The following CLDN7 variants were observed in gnomAD, a reference collection of about 807,000 sequenced individuals.
CLDN7 encodes the protein claudin-7.
Under a neutral mutation model 20.3 loss-of-function variants are expected in CLDN7, and 15 were observed. The observed-to-expected ratio is 0.74, with a 90% CI of 0.49 to 1.14. The LOEUF (loss-of-function observed/expected upper bound fraction) is 1.14, where lower values mean the gene tolerates loss of function less well. Among genes scored for constraint, CLDN7 ranks in the 50% most tolerant of loss-of-function variants. The probability of loss-of-function intolerance (pLI) is 0.00; values close to 1 mark genes in which losing one functional copy is unlikely to be tolerated. For missense variants in CLDN7, 261 were observed against 274.2 expected, an observed-to-expected ratio of 0.95 and a Z score of 0.34; for synonymous variants, 117 against 106.1, an observed-to-expected ratio of 1.10 and a Z score of -0.63.
In CLDN7 at chr17:7,261,943, G is replaced by A. The variant is rs1205196104; in HGVS notation, c.101C>T (p.Ser34Phe). 1 of 1,614,144 alleles carries A rather than the reference G, an allele frequency of 6.2e-7. No individual in the cohort carries two copies. Among genetic ancestry groups the A allele is most frequent in the Non-Finnish European group, 8.5e-7 (1 of 1,180,036 alleles). Residue 34 changes from serine to phenylalanine, a missense_variant, in exon 1 of 4, where the codon TCC becomes TTC. Ser to Phe is a radical substitution (Grantham distance 155). Coordinates refer to ENST00000360325, the MANE Select transcript of CLDN7 (RefSeq NM_001307.6). Reference protein sequence around the residue: ...CTAIPQWQMSSYAGDNIITAQ... With the variant: ...CTAIPQWQMSFYAGDNIITAQ... ...CGTGATGATGTTGTCACCCGCATAGGAGCTCATCTGCCACTGCGGGATGGC... is the reference window on the plus strand; with the variant it reads ...CGTGATGATGTTGTCACCCGCATAGAAGCTCATCTGCCACTGCGGGATGGC...
intron 1 of CLDN7, 74 bp from the exon 2 acceptor site, chr17:7,261,059 C>T (rs963744067): frequency 4.1e-5 from 62 of 1,508,768 alleles, no homozygotes; most frequent in Non-Finnish European, 5.1e-5. Context: ...GCCGGCCGCG[C>T]CCACTAACCG....
chr17:7,260,401 CT>C lies in CLDN7; in HGVS notation c.608del (p.Lys203SerfsTer25). ...AGYRVPRSYP[K>X]SNSSKEYV ...ACACATACTCCTTGGAAGAGTTGGACTTAGGGTAAGAGCGGGGTACACGGTA... is the reference window on the plus strand; with the variant it reads ...ACACATACTCCTTGGAAGAGTTGGACTAGGGTAAGAGCGGGGTACACGGTA... On this transcript the variant is annotated frameshift_variant, in exon 4 of 4. Coordinates refer to ENST00000360325, the MANE Select transcript of CLDN7 (RefSeq NM_001307.6). LOFTEE classifies it high-confidence loss of function. 6.2e-7 allele frequency: 1 copy of C among 1,612,096 alleles called. No individual in the cohort carries two copies. Among genetic ancestry groups the C allele is most frequent in the Non-Finnish European group, 8.5e-7 (1 of 1,178,964 alleles).
At chr17:7,261,402 G>A (rs1241222445) in intron 1 of CLDN7, among the ~76,000 whole-genome samples, 2 of 152,166 alleles carry the variant, frequency 1.3e-5, no homozygotes. Flanking sequence ...TAAGATTAGA[G>A]GCAGCAGGCG....
Position 7,260,641 on chromosome 17 carries a change from C to T in CLDN7, c.473+1G>A. On this transcript the variant is annotated splice_donor_variant, in intron 3 of 3. Transcript: ENST00000360325. LOFTEE classifies it high-confidence loss of function. ...TTAGGAGGCAGGGTTCCCAGACTTA[C>T]TTAATGTTGGTAGGGATCAAAGGGT... 6.2e-7 allele frequency: 1 copy of T among 1,614,168 alleles called. No homozygotes were observed. The highest frequency in any genetic ancestry group is 8.5e-7 in the Non-Finnish European group (1 of 1,180,024).
At chr17:7,261,068 C>G (rs1173122495) in intron 1 of CLDN7, 83 bp from the exon 2 acceptor site, 2 of 1,492,540 alleles carry the variant, frequency 1.3e-6, no homozygotes, top group Admixed American at 4.3e-5. Flanking sequence ...GCCCACTAAC[C>G]GCTGGACCTC....
At chr17:7,261,674 G>A in intron 1 of CLDN7, 147 bp downstream of exon 1, 2 of 260,860 alleles carry the variant, frequency 7.7e-6, no homozygotes, top group Non-Finnish European at 1.5e-5. Flanking sequence ...CTCCCGCCCA[G>A]CCCCGCCGCC....
chr17:7,261,606 A>C (rs2072222602), intron 1 of CLDN7, among the ~76,000 whole-genome samples: 1 of 152,022 alleles, frequency 6.6e-6, no homozygotes, highest in Non-Finnish European at 1.5e-5. Flanking sequence ...TGGGGGAGGA[A>C]GAGGAACGTG....
At position 7,259,984 on chromosome 17, in the gene CLDN7, G is replaced by A. The variant is rs2072177800; in HGVS notation, c.*390C>T. On this transcript the variant is annotated 3_prime_UTR_variant, in exon 4 of 4. Transcript: ENST00000360325. The stretch of plus-strand genomic sequence containing the variant: ...AAATAAGAGGGGGGTGGGAATGAAT[G>A]TCGAGATACGAGCACCTGCATCTTT... 5.7e-6 allele frequency: 2 copies of A among 351,714 alleles called. No individual in the cohort carries two copies. Among genetic ancestry groups the A allele is most frequent in the Admixed American group, 8.7e-5 (2 of 22,910 alleles). 21.8% of individuals were successfully genotyped at this position (351,714 alleles called of 1,614,324 possible). A position where few individuals can be genotyped will look rare whatever the true frequency, so the allele number is the denominator to read the frequency against.
Position 7,260,316 on chromosome 17 carries a change from C to G in CLDN7, c.*58G>C. 6.5e-7 allele frequency: 1 copy of G among 1,528,570 alleles called. No homozygotes were observed. Among genetic ancestry groups the G allele is most frequent in the South Asian group, 1.3e-5 (1 of 77,724 alleles). The allele number at this position is 1,528,570 out of a possible 1,614,324, so 94.7% of individuals were successfully genotyped here. ...CCACAGGCTGAGCTCAGCCCCAGGC[C>G]CTTTCAGGCATCTAGACACTCCCAT... On this transcript the variant is annotated 3_prime_UTR_variant, in exon 4 of 4. Transcript: ENST00000360325.
chr17:7,262,358 G>A lies in CLDN7; in HGVS notation c.-315C>T. 7 of 1,244,080 alleles carry A rather than the reference G, an allele frequency of 5.6e-6. No individual in the cohort carries two copies. The highest frequency in any genetic ancestry group is 7.1e-6 in the Non-Finnish European group (7 of 983,774). The allele number at this position is 1,244,080 out of a possible 1,614,324, so 77.1% of individuals were successfully genotyped here. On this transcript the variant is annotated 5_prime_UTR_variant, in exon 1 of 4. Transcript: ENST00000360325. The surrounding 1 kb of genome is among the most constrained non-coding windows in gnomAD (Gnocchi z 6.6). ...TCTCGGCGACCCTAGGCAAACAAAAGGTGGAGGGGCCGTCTGGGCGCGTTT... is the reference window on the plus strand; with the variant it reads ...TCTCGGCGACCCTAGGCAAACAAAAAGTGGAGGGGCCGTCTGGGCGCGTTT...
chr17:7,261,009 C>A, intron 1 of CLDN7, 24 bp from the exon 2 acceptor site: 1 of 1,593,536 alleles, frequency 6.3e-7, no homozygotes, highest in Non-Finnish European at 8.5e-7. Context: ...GAAAGGGCGC[C>A]GTCATTGCTG....
chr17:7,260,887 C>T lies in CLDN7; in HGVS notation c.322G>A (p.Gly108Arg), dbSNP rs142682069. 3.2e-5 allele frequency: 52 copies of T among 1,614,152 alleles called. No homozygotes were observed. The highest frequency in any genetic ancestry group is 4.3e-5 in the Non-Finnish European group (51 of 1,180,056). The change falls in exon 2 of 4, where the codon GGG becomes AGG. Residue 108 changes from glycine (G) to arginine (R), a missense_variant. By Grantham distance (125) the Gly-to-Arg change is moderately radical (BLOSUM62 -2). This residue lies in a region of CLDN7 where 215 missense variants were observed against 199.6 expected (regional missense o/e 1.08). Transcript: ENST00000360325. ...ATMGMKCTRC[G>R]GDDKVKKARI... is the part of the protein sequence containing the mutation. ...GCCTTCTTCACTTTGTCGTCTCCCC[C>T]ACAGCGCGTGCACTTCATGCCCATC...
chr17:7,260,941 G>A lies in CLDN7; in HGVS notation c.268C>T (p.Leu90=). Residue 90 remains leucine (L), a synonymous_variant, in exon 2 of 4, where the codon CTG becomes TTG. Transcript: ENST00000360325. ...GCCACAAACATGGCCAGGAAGCCCA[G>A]CACCAGGGAGACCACCATTAGGGCT... ...TRALMVVSLV[L]GFLAMFVATM... 6.2e-7 allele frequency: 1 copy of A among 1,613,760 alleles called. No individual in the cohort carries two copies. The highest frequency in any genetic ancestry group is 8.5e-7 in the Non-Finnish European group (1 of 1,180,006).
In CLDN7 at chr17:7,260,839, T is replaced by G; in HGVS notation, c.370A>C (p.Ile124Leu). ...KKARIAMGGG[I>L]IFIVAGLAAL... ...GGCTCACCTGCCACGATGAAAATTA[T>G]GCCTCCACCCATGGCTATACGGGCC... Residue 124 changes from isoleucine to leucine, a missense_variant, in exon 2 of 4, where the codon ATA (isoleucine) becomes CTA (leucine). By Grantham distance (5) the Ile-to-Leu change is conservative. Coordinates refer to ENST00000360325, the MANE Select transcript of CLDN7 (RefSeq NM_001307.6). 1 of 1,614,236 alleles carries G rather than the reference T, an allele frequency of 6.2e-7. No individual in the cohort carries two copies.
At position 7,260,873 on chromosome 17, in the gene CLDN7, T is replaced by G. The variant is rs746209260; in HGVS notation, c.336A>C (p.Lys112Asn). The G allele has an allele frequency of 3.7e-6, 6 of 1,614,220 alleles. No homozygotes were observed. The South Asian group carries it at 6.6e-5, about 18-fold the overall frequency. The part of the protein sequence containing the change: ...MKCTRCGGDD[K>N]VKKARIAMGG... Reference sequence around the variant, plus strand: ...CCATGGCTATACGGGCCTTCTTCACTTTGTCGTCTCCCCCACAGCGCGTGC... The same window carrying G: ...CCATGGCTATACGGGCCTTCTTCACGTTGTCGTCTCCCCCACAGCGCGTGC... The change falls in exon 2 of 4, where the codon AAA becomes AAC. Residue 112 changes from lysine to asparagine, a missense_variant. Physicochemically the swap from Lys to Asn is moderately conservative, Grantham distance 94. This residue lies in a region of CLDN7 where 215 missense variants were observed against 199.6 expected (regional missense o/e 1.08). Coordinates refer to ENST00000360325, the MANE Select transcript of CLDN7 (RefSeq NM_001307.6).
Position 7,260,459 on chromosome 17 carries a change from C to G in CLDN7, c.551G>C (p.Cys184Ser). ...LVILGGALLS[C>S]SCPGNESKAG... ...CTTGCTCTCATTCCCAGGACAGGAA[C>G]AGGAGAGCAGTGCACCTCCCAGGAT... The change falls in exon 4 of 4, where the codon TGT (cysteine) becomes TCT (serine). Residue 184 changes from cysteine to serine, a missense_variant. Physicochemically the swap from Cys to Ser is moderately radical, Grantham distance 112. Transcript: ENST00000360325. 1 of 1,613,924 alleles carries G rather than the reference C, an allele frequency of 6.2e-7. No homozygotes were observed.
At position 7,260,502 on chromosome 17, in the gene CLDN7, C is replaced by T. The variant is rs780943523; in HGVS notation, c.508G>A (p.Ala170Thr). ...EFGPAIFIGW[A>T]GSALVILGGA... ...CCCAGGATGACTAGGGCAGACCCTG[C>T]CCAGCCAATAAAGATGGCAGGGCCA... The change falls in exon 4 of 4, where the codon GCA becomes ACA. Residue 170 changes from alanine (A) to threonine (T), a missense_variant. Ala to Thr is a moderately conservative substitution (Grantham distance 58). Around this residue, in one of 2 missense-constraint regions of CLDN7, gnomAD observed 215 missense variants for 199.6 expected, o/e 1.08. Coordinates refer to ENST00000360325, the MANE Select transcript of CLDN7 (RefSeq NM_001307.6). 35 of 1,612,744 alleles carry T rather than the reference C, an allele frequency of 2.2e-5. No homozygotes were observed. The highest frequency in any genetic ancestry group is 3.3e-4 in the Middle Eastern group (2 of 6,080).
Position 7,260,536 on chromosome 17 carries a change from C to T in CLDN7, c.474G>A (p.Lys158=), listed in dbSNP as rs2072191200. 1.2e-6 allele frequency: 2 copies of T among 1,611,902 alleles called. No homozygotes were observed. The highest frequency in any genetic ancestry group is 1.1e-5 in the South Asian group (1 of 90,944). The change falls in exon 4 of 4, where the codon AAG becomes AAA. Residue 158 remains lysine, a splice_region_variant and synonymous_variant. Coordinates refer to ENST00000360325, the MANE Select transcript of CLDN7 (RefSeq NM_001307.6). ...TAAAGATGGCAGGGCCAAACTCATA[C>T]CTGTGAAGAGAAGGGGGTGGTTAGA... ...FYNPLIPTNI[K]YEFGPAIFIG...
chr17:7,261,594 G>T (rs1216483702), intron 1 of CLDN7, among the ~76,000 whole-genome samples: 1 of 152,188 alleles, frequency 6.6e-6, no homozygotes, highest in Non-Finnish European at 1.5e-5. Context: ...ACGAGGCTGG[G>T]TTGGGGGAGG....
Sources: gnomAD v4.1 joint callset for allele counts (sites outside exome capture counted in the v4.1 genomes callset) on GRCh38, gnomAD v4.1.1 for gene constraint, gnomAD v4.1.1 regional missense constraint, Gnocchi (gnomAD v3.1) non-coding constraint, MANE v1.5 for transcripts, NCBI Gene and HGNC (gene_info 2026-07-23, HGNC 2026-07-21) for gene names.